GEMIN5: variants seen among roughly 807,000 people sequenced by gnomAD.
GEMIN5 encodes the protein gem nuclear organelle associated protein 5, also known as gem-associated protein 5.
In GEMIN5, 124 loss-of-function variants were observed where a neutral mutation model predicts 176.9. The observed-to-expected ratio is 0.70, with a 90% confidence interval of 0.61 to 0.81. GEMIN5 has a LOEUF of 0.81. Ranked by LOEUF, GEMIN5 falls within the 40% of genes least tolerant of loss-of-function variation. The pLI, the probability that GEMIN5 is intolerant of heterozygous loss-of-function variation, is 0.00. For synonymous variants in GEMIN5, 673 were observed against 665.2 expected (o/e 1.01, Z -0.18); for missense variants, 1,843 against 1,814.6 (o/e 1.02, Z -0.28).
chr5:154,921,569 A>G (rs2113497287), intron 9 of GEMIN5, 144 bp from the exon 10 acceptor site: 1 of 575,456 alleles, frequency 1.7e-6, no homozygotes, highest in Non-Finnish European at 3.0e-6. Context: ...ATCTTGCTCC[A>G]AATAGTTGAC....
chr5:154,901,059 C>T (rs929899283), intron 21 of GEMIN5, among the ~76,000 whole-genome samples: 1 of 152,264 alleles, frequency 6.6e-6, no homozygotes, highest in East Asian at 1.9e-4. Context: ...AGCATGGTGG[C>T]TCATGCCTGT....
chr5:154,898,711 G>A (rs1473792817), intron 22 of GEMIN5, 61 bp from the exon 23 acceptor site: 1 of 1,298,018 alleles, frequency 7.7e-7, no homozygotes, highest in Non-Finnish European at 1.1e-6. Flanking sequence ...CCCATTCCTA[G>A]AGGATGGAAT....
rs761291293 is a variant in GEMIN5, at chr5:154,921,349, A to T, written c.1456T>A (p.Ser486Thr). The change falls in exon 10 of 28, where the codon TCA becomes ACA. Residue 486 changes from serine (S) to threonine (T), a missense_variant. By Grantham distance (58) the Ser-to-Thr change is moderately conservative. Coordinates refer to ENST00000285873, the MANE Select transcript of GEMIN5 (RefSeq NM_015465.5). Reference sequence around the variant, plus strand: ...GAATTGTTCAGATACTTACCAAGTGACATGGGGGGTACTGGTGGCCCCCAG... The same window carrying T: ...GAATTGTTCAGATACTTACCAAGTGTCATGGGGGGTACTGGTGGCCCCCAG... The part of the protein sequence containing the change: ...LAWGPPVPPM[S>T]LGGEGDRPSL... The T allele has an allele frequency of 1.5e-6, 2 of 1,297,746 alleles. No homozygotes were observed. Among genetic ancestry groups the T allele is most frequent in the Admixed American group, 1.8e-5 (1 of 57,052 alleles). 80.4% of individuals were successfully genotyped at this position (1,297,746 alleles called of 1,614,324 possible).
intron 24 of GEMIN5, among the ~76,000 whole-genome samples, chr5:154,895,793 C>T (rs1026292108): frequency 3.3e-5 from 5 of 152,038 alleles, no homozygotes; most frequent in Non-Finnish European, 5.9e-5. Context: ...GAGTCTGAGG[C>T]GGGAGAATCA....
chr5:154,915,630 A>C (rs1404606033), intron 13 of GEMIN5, among the ~76,000 whole-genome samples: 1 of 152,232 alleles, frequency 6.6e-6, no homozygotes, highest in East Asian at 1.9e-4. Flanking sequence ...TACTTGCTTG[A>C]ATAAGTTAGC....
chr5:154,902,813 G>A, intron 19 of GEMIN5, 137 bp from the exon 20 acceptor site: 1 of 865,030 alleles, frequency 1.2e-6, no homozygotes, highest in Non-Finnish European at 1.8e-6. Flanking sequence ...TCACCTACCA[G>A]AGTGATTACA....
chr5:154,905,721 C>T (rs1249448953), intron 16 of GEMIN5, among the ~76,000 whole-genome samples: 5 of 142,576 alleles, frequency 3.5e-5, no homozygotes, highest in South Asian at 2.2e-4. Flanking sequence ...TTTTTTGAGA[C>T]GAAGTCTCAC....
chr5:154,898,689 CAG>C, intron 22 of GEMIN5, 39 bp from the exon 23 acceptor site: 1 of 1,456,164 alleles, frequency 6.9e-7, no homozygotes, highest in Non-Finnish European at 9.6e-7. Flanking sequence ...ATGTCACAAA[CAG>C]ATTTTTATTC....
chr5:154,936,767 T>C lies in GEMIN5; in HGVS notation c.327+258A>G, dbSNP rs558885972. Among the ~76,000 whole-genome samples the C allele has an allele frequency of 3.3e-5, 5 of 152,362 alleles. No homozygotes were observed. The South Asian group carries it at 6.2e-4, about 19-fold the overall frequency. On this transcript the variant is annotated intron_variant, in intron 2 of 27. Transcript: ENST00000285873. ...GTAGCATGAAAGCAGTCATAGACAA[T>C]ACTTAAATGAATTAGTGTGGTTGTA...
chr5:154,900,926 A>C (rs1763448476), intron 21 of GEMIN5, among the ~76,000 whole-genome samples: 3 of 152,242 alleles, frequency 2.0e-5, no homozygotes, highest in African/African-American at 7.2e-5. Context: ...CGAAGTTTAA[A>C]AACAAGCCAT....
At chr5:154,907,495 ATGGG>A in intron 16 of GEMIN5, 92 bp downstream of exon 16, 1 of 795,716 alleles carries the variant, frequency 1.3e-6, no homozygotes, top group Non-Finnish European at 2.1e-6. Context: ...AGTTGGAAAA[ATGGG>A]AACAGCGAAG....
chr5:154,929,461 G>A (rs530877693), intron 5 of GEMIN5, among the ~76,000 whole-genome samples: 7 of 152,294 alleles, frequency 4.6e-5, no homozygotes, highest in Non-Finnish European at 8.8e-5. Flanking sequence ...TCTAATCACC[G>A]TTTTTTAAGC....
At chr5:154,924,255 G>A (rs1038449405) in intron 9 of GEMIN5, among the ~76,000 whole-genome samples, 1 of 152,146 alleles carries the variant, frequency 6.6e-6, no homozygotes, top group East Asian at 1.9e-4. Flanking sequence ...TAGTTCATAC[G>A]AAACATAGGG....
chr5:154,904,662 G>A lies in GEMIN5; in HGVS notation c.2510-33C>T, dbSNP rs984481470. 8 of 1,566,092 alleles carry A rather than the reference G, an allele frequency of 5.1e-6. No individual in the cohort carries two copies. The African/African-American group carries it at 5.4e-5, about 11-fold the overall frequency. ...TTAATAAAGTACATACTATCTGAAGGAGAACTGATCAGAAACATAAAACGG... is the reference window on the plus strand; with the variant it reads ...TTAATAAAGTACATACTATCTGAAGAAGAACTGATCAGAAACATAAAACGG... On this transcript the variant is annotated intron_variant, in intron 17 of 27. Coordinates refer to ENST00000285873, the MANE Select transcript of GEMIN5 (RefSeq NM_015465.5).
At chr5:154,920,237 G>C in intron 10 of GEMIN5, 134 bp from the exon 11 acceptor site, 1 of 569,590 alleles carries the variant, frequency 1.8e-6, no homozygotes, top group East Asian at 3.2e-5. Context: ...TAATACATTG[G>C]AATAAAATCA....
chr5:154,908,489 T>C (rs1763621809), intron 15 of GEMIN5, among the ~76,000 whole-genome samples: 1 of 152,162 alleles, frequency 6.6e-6, no homozygotes, highest in Non-Finnish European at 1.5e-5. Flanking sequence ...CCTACCCAGA[T>C]GTCTTTTATA....
chr5:154,911,538 T>C (rs1221926641), intron 15 of GEMIN5, among the ~76,000 whole-genome samples, 189 bp downstream of exon 15: 1 of 152,128 alleles, frequency 6.6e-6, no homozygotes, highest in Non-Finnish European at 1.5e-5. Context: ...ATCTGAGTGC[T>C]AGGTATGCTC....
chr5:154,895,336 G>GAAAAAAAA (rs370508883), intron 24 of GEMIN5, among the ~76,000 whole-genome samples: 1 of 75,664 alleles, frequency 1.3e-5, no homozygotes. Context: ...CTCCAGAAAG[G>GAAAAAAAA]AAAAAAAAAA....
chr5:154,937,753 C>G (rs1230178673), intron 1 of GEMIN5, among the ~76,000 whole-genome samples: 1 of 152,178 alleles, frequency 6.6e-6, no homozygotes, highest in African/African-American at 2.4e-5. Context: ...AGCGGCCCCA[C>G]GTGGAAGCTC....
Sources: gnomAD v4.1 joint callset for allele counts (sites outside exome capture counted in the v4.1 genomes callset) on GRCh38, gnomAD v4.1.1 for gene constraint, MANE v1.5 for transcripts, NCBI Gene and HGNC (gene_info 2026-07-23, HGNC 2026-07-21) for gene names.